The following GALNT17 variants were observed in gnomAD, a reference collection of about 807,000 sequenced individuals.
The protein encoded by GALNT17 is UDP-GalNAc:polypeptide N-acetylgalactosaminyltransferase-like 3.
A neutral mutation model predicts 63.7 loss-of-function variants in GALNT17; 29 were observed. The ratio of observed to expected loss-of-function variants is 0.46; its 90% confidence interval spans 0.34 to 0.62. The LOEUF (loss-of-function observed/expected upper bound fraction) is 0.62, where lower values mean the gene tolerates loss of function less well. GALNT17 is among the 20% of genes least tolerant of loss of function. The probability of loss-of-function intolerance (pLI) is 0.01; values close to 1 mark genes in which losing one functional copy is unlikely to be tolerated. For synonymous variants in GALNT17, 305 were observed against 318.3 expected (o/e 0.96, Z 0.45); for missense variants, 603 against 799.6 (o/e 0.75, Z 2.97).
chr7:71,297,249 A>G (rs1181037313), intron 1 of GALNT17, among the ~76,000 whole-genome samples: 1 of 152,150 alleles, frequency 6.6e-6, no homozygotes, highest in African/African-American at 2.4e-5. Flanking sequence ...TCATACACCA[A>G]AAGACGCCTG....
intron 1 of GALNT17, among the ~76,000 whole-genome samples, chr7:71,234,649 C>CT (rs1255517198): frequency 6.6e-6 from 1 of 152,204 alleles, no homozygotes; most frequent in Admixed American, 6.5e-5. Flanking sequence ...CCACTACAAA[C>CT]TGAGCTGCCT....
chr7:71,265,213 G>A (rs750897314), intron 1 of GALNT17, among the ~76,000 whole-genome samples: 17 of 139,654 alleles, frequency 1.2e-4, no homozygotes, highest in Admixed American at 8.2e-4. Context: ...TGCAACCTCC[G>A]CCTCCTGGGT....
chr7:71,174,040 G>T (rs974029381), intron 1 of GALNT17, among the ~76,000 whole-genome samples: 4 of 152,156 alleles, frequency 2.6e-5, no homozygotes, highest in Non-Finnish European at 5.9e-5. Context: ...TCTTGGAGGC[G>T]ACTCAAGAGA....
rs184283539 is a variant in GALNT17 at position 71,419,156 on chromosome 7, G to A, written c.765-1752G>A. ...CTCAGTGACTCTTTCGCTGCTGATAGATGGGCTGAACTGAATGCTTCTAAT... is the reference window on the plus strand; with the variant it reads ...CTCAGTGACTCTTTCGCTGCTGATAAATGGGCTGAACTGAATGCTTCTAAT... On this transcript the variant is annotated intron_variant, in intron 4 of 10. Coordinates refer to ENST00000333538, the MANE Select transcript of GALNT17 (RefSeq NM_022479.3). Among the ~76,000 whole-genome samples, 37 of 152,302 alleles carry A rather than the reference G, an allele frequency of 2.4e-4. 4 individuals are homozygous for A. In the East Asian group the frequency reaches 2.7e-3, roughly 11 times the overall value.
rs61740246 is a variant in GALNT17, at chr7:71,677,234, C to G, written c.1428C>G (p.Asp476Glu). The G allele has an allele frequency of 6.2e-7, 1 of 1,613,836 alleles. No individual in the cohort carries two copies. Among genetic ancestry groups the G allele is most frequent in the East Asian group, 2.2e-5 (1 of 44,856 alleles). Reference sequence around the variant, plus strand: ...AGCTTCGCAACAACAAGGCAAAAGACGTCTGCTTGGACCAGGGGCCGCTGG... The same window carrying G: ...AGCTTCGCAACAACAAGGCAAAAGAGGTCTGCTTGGACCAGGGGCCGCTGG... ...YGELRNNKAK[D>E]VCLDQGPLEN... The change falls in exon 9 of 11, where the codon GAC becomes GAG. Residue 476 changes from aspartate (D) to glutamate (E), a missense_variant. This residue lies in a region of GALNT17 where 336 missense variants were observed against 507.8 expected (regional missense o/e 0.66). Coordinates refer to ENST00000333538, the MANE Select transcript of GALNT17 (RefSeq NM_022479.3).
chr7:71,570,164 C>T (rs1470976387), intron 5 of GALNT17, among the ~76,000 whole-genome samples: 2 of 151,866 alleles, frequency 1.3e-5, no homozygotes, highest in African/African-American at 4.8e-5. Flanking sequence ...TTTAGCCTTC[C>T]CCAGAAGAAA....
intron 2 of GALNT17, among the ~76,000 whole-genome samples, chr7:71,352,565 A>T (rs1410443758): frequency 6.6e-6 from 1 of 152,158 alleles, no homozygotes; most frequent in Admixed American, 6.6e-5. Flanking sequence ...TTAGTCATAT[A>T]TTGGGAGATA....
intron 9 of GALNT17, among the ~76,000 whole-genome samples, chr7:71,697,399 C>A (rs146651824): frequency 1.3e-5 from 2 of 151,960 alleles, no homozygotes; most frequent in Non-Finnish European, 2.9e-5. Context: ...AGGCAGGAAT[C>A]GGAGGACATG....
chr7:71,539,878 C>T lies in GALNT17; in HGVS notation c.963-31407C>T, dbSNP rs75617697. On this transcript the variant is annotated intron_variant, in intron 5 of 10. Transcript: ENST00000333538. ...ACTATGGTAGCACAAGTAGGTACTC[C>T]AGACTTCCAAGTAGCTGGAACTTTC... Among the ~76,000 whole-genome samples, 46 of 151,288 alleles carry T rather than the reference C, an allele frequency of 3.0e-4. 1 individual carries two copies. In the East Asian group the frequency reaches 8.8e-3, roughly 29 times the overall value.
At chr7:71,187,550 A>G (rs1308932484) in intron 1 of GALNT17, among the ~76,000 whole-genome samples, 1 of 152,060 alleles carries the variant, frequency 6.6e-6, no homozygotes, top group Non-Finnish European at 1.5e-5. Flanking sequence ...CACAAAAATA[A>G]ATGGTTTCCT....
intron 5 of GALNT17, among the ~76,000 whole-genome samples, chr7:71,533,370 C>A (rs886436667): frequency 7.2e-5 from 11 of 152,186 alleles, no homozygotes; most frequent in Non-Finnish European, 2.9e-5. Context: ...TGTAGCAAAT[C>A]ATTTCAGAGC....
intron 6 of GALNT17, among the ~76,000 whole-genome samples, chr7:71,647,229 A>ATTTTTTTTTTTTTTTTTTTTTTT (rs5884850): frequency 3.0e-4 from 41 of 137,520 alleles, no homozygotes; most frequent in Middle Eastern, 3.6e-3. Context: ...GTGCCCAGCT[A>ATTTTTTTTTTTTTTTTTTTTTTT]TTTTTTTTTT....
At chr7:71,580,397 G>A (rs144352313) in intron 6 of GALNT17, among the ~76,000 whole-genome samples, 6 of 84,236 alleles carry the variant, frequency 7.1e-5, no homozygotes, top group South Asian at 9.6e-4. Context: ...TTGATAGATG[G>A]ATGATAGATA....
At chr7:71,369,466 C>T (rs1281475723) in intron 2 of GALNT17, among the ~76,000 whole-genome samples, 2 of 152,060 alleles carry the variant, frequency 1.3e-5, no homozygotes, top group Non-Finnish European at 2.9e-5. Flanking sequence ...GGAGATCTTC[C>T]CTGTGGGGTT....
intron 6 of GALNT17, among the ~76,000 whole-genome samples, chr7:71,643,239 A>C (rs1790628672): frequency 6.6e-6 from 1 of 152,122 alleles, no homozygotes; most frequent in Non-Finnish European, 1.5e-5. Context: ...GAGGCAAGGC[A>C]GGTGGATCAC....
At chr7:71,588,551 G>A (rs1364951973) in intron 6 of GALNT17, among the ~76,000 whole-genome samples, 1 of 152,164 alleles carries the variant, frequency 6.6e-6, no homozygotes, top group Non-Finnish European at 1.5e-5. Flanking sequence ...CTACAAGTCA[G>A]TTAACTAAAC....
intron 5 of GALNT17, among the ~76,000 whole-genome samples, chr7:71,486,707 A>G (rs1787916266): frequency 6.6e-6 from 1 of 151,434 alleles, no homozygotes; most frequent in East Asian, 1.9e-4. Context: ...AGTCAATTAA[A>G]AAAAAAAAAG....
At chr7:71,493,396 A>G (rs1788041898) in intron 5 of GALNT17, among the ~76,000 whole-genome samples, 1 of 152,188 alleles carries the variant, frequency 6.6e-6, no homozygotes, top group African/African-American at 2.4e-5. Context: ...GTCCATTTTC[A>G]CACTGCTGAC....
rs1186607792 is a variant in GALNT17 at position 71,468,509 on chromosome 7, C to G, written c.962+47404C>G. 3.3e-5 allele frequency among the ~76,000 whole-genome samples: 5 copies of G among 152,074 alleles called. No homozygotes were observed. In the East Asian group the frequency reaches 5.8e-4, roughly 18 times the overall value. ...TCGGATCACTGCAGCCTCCATCTCCCAGGTTCAAGTGATTGTCCTGCCTCA... is the reference window on the plus strand; with the variant it reads ...TCGGATCACTGCAGCCTCCATCTCCGAGGTTCAAGTGATTGTCCTGCCTCA... On this transcript the variant is annotated intron_variant, in intron 5 of 10. Transcript: ENST00000333538.
Sources: allele counts gnomAD v4.1 joint callset (sites outside exome capture counted in the v4.1 genomes callset), GRCh38; gene constraint gnomAD v4.1.1; regional missense constraint gnomAD v4.1.1; transcripts MANE v1.5; gene names NCBI Gene and HGNC (gene_info 2026-07-23, HGNC 2026-07-21).